The following SLC37A2 variants were observed in gnomAD, a reference collection of about 807,000 sequenced individuals.
The protein encoded by SLC37A2 is solute carrier family 37 member 2.
In SLC37A2, 59 loss-of-function variants were observed where a neutral mutation model predicts 70.7. That is an observed-to-expected ratio of 0.83 (90% CI 0.68 to 1.04). The LOEUF is 1.04. Ranked by LOEUF, SLC37A2 falls within the 50% of genes least tolerant of loss-of-function variation. SLC37A2 has a pLI of 0.00. For synonymous variants in SLC37A2, 257 were observed against 262.1 expected, an observed-to-expected ratio of 0.98 and a Z score of 0.19; for missense variants, 580 against 658.1, an observed-to-expected ratio of 0.88 and a Z score of 1.30.
chr11:125,085,221 G>A (rs571638435), intron 14 of SLC37A2, 82 bp downstream of exon 14: 2 of 1,426,990 alleles, frequency 1.4e-6, no homozygotes, highest in African/African-American at 2.8e-5. Context: ...ATTTCTCCCT[G>A]TCTCCCATCC....
chr11:125,082,321 C>T lies in SLC37A2; in HGVS notation c.963C>T (p.Tyr321=), dbSNP rs1251376965. ...SYTFLYWLPL[Y]IANVAHFSAK... is the part of the protein sequence containing the mutation. ...CCTTCCTCTACTGGCTGCCCCTCTA[C>T]ATCGCCAATGTGGGTAAGTCCAAGA... Residue 321 remains tyrosine, a synonymous_variant, in exon 10 of 18, where the codon TAC becomes TAT. Coordinates refer to ENST00000403796, the MANE Select transcript of SLC37A2 (RefSeq NM_001145290.2). 1.7e-5 allele frequency: 27 copies of T among 1,613,890 alleles called. No homozygotes were observed. Among genetic ancestry groups the T allele is most frequent in the Admixed American group, 3.3e-5 (2 of 60,014 alleles).
intron 1 of SLC37A2, among the ~76,000 whole-genome samples, chr11:125,075,523 T>G (rs1949074894): frequency 1.3e-5 from 2 of 152,098 alleles, no homozygotes; most frequent in African/African-American, 4.8e-5. Flanking sequence ...CTGTTGCACC[T>G]TCATGCTGGA....
chr11:125,067,763 C>G (rs1033028807), intron 1 of SLC37A2, among the ~76,000 whole-genome samples: 5 of 151,930 alleles, frequency 3.3e-5, no homozygotes, highest in Non-Finnish European at 7.3e-5. Context: ...CAAGACAAAT[C>G]AAATTTCCTT....
At chr11:125,079,307 C>T (rs1949123236) in intron 5 of SLC37A2, 60 bp downstream of exon 5, 2 of 1,606,248 alleles carry the variant, frequency 1.2e-6, no homozygotes, top group Admixed American at 3.3e-5. Context: ...ACCTGGGAGA[C>T]CGCAGCTCAC....
intron 1 of SLC37A2, among the ~76,000 whole-genome samples, chr11:125,071,548 G>A (rs898549916): frequency 1.3e-5 from 2 of 152,200 alleles, no homozygotes; most frequent in African/African-American, 4.8e-5. Context: ...CTTCTCAAAT[G>A]TCCTGAGTTC....
chr11:125,079,313 C>G lies in SLC37A2; in HGVS notation c.450+66C>G, dbSNP rs373233474. 9.4e-6 allele frequency: 15 copies of G among 1,601,964 alleles called. No homozygotes were observed. The East Asian group carries it at 1.1e-4, about 12-fold the overall frequency. The stretch of plus-strand genomic sequence containing the variant: ...TCGGGAAGGACCTGGGAGACCGCAG[C>G]TCACAGCGGGTGGGAGCCTGTGTTC... On this transcript the variant is annotated intron_variant, in intron 5 of 17. Coordinates refer to ENST00000403796, the MANE Select transcript of SLC37A2 (RefSeq NM_001145290.2).
At chr11:125,086,420 T>G (rs74932866) in intron 17 of SLC37A2, 10,988 of 675,798 alleles carry the variant, frequency 0.016, 136 homozygotes, top group Middle Eastern at 0.056. Context: ...TTGGGAAGTG[T>G]TTTCCAAGGG....
chr11:125,085,553 C>T, intron 15 of SLC37A2, 24 bp from the exon 16 acceptor site: 1 of 1,613,638 alleles, frequency 6.2e-7, no homozygotes, highest in Non-Finnish European at 8.5e-7. Flanking sequence ...AGGACCCCTG[C>T]TCACGAGGCT....
intron 1 of SLC37A2, among the ~76,000 whole-genome samples, chr11:125,069,395 C>T (rs370633191): frequency 2.0e-5 from 3 of 152,230 alleles, no homozygotes; most frequent in East Asian, 1.9e-4. Context: ...GGACAAATTA[C>T]TTAACATCTC....
intron 4 of SLC37A2, 124 bp downstream of exon 4, chr11:125,077,652 C>G: frequency 1.4e-6 from 1 of 699,104 alleles, no homozygotes; most frequent in Admixed American, 2.8e-5. Context: ...CCACCCACAG[C>G]CATCCTCCTT....
Position 125,088,236 on chromosome 11 carries a change from C to G in SLC37A2, c.*102C>G. On this transcript the variant is annotated 3_prime_UTR_variant, in exon 18 of 18. Transcript: ENST00000403796. Reference sequence around the variant, plus strand: ...CTTCCACAAGCAGGGAAGGCAAACCCTCTTTATTGAACATTAGCCAGCCCA... The same window carrying G: ...CTTCCACAAGCAGGGAAGGCAAACCGTCTTTATTGAACATTAGCCAGCCCA... 7.3e-7 allele frequency: 1 copy of G among 1,374,732 alleles called. No individual in the cohort carries two copies. The allele number at this position is 1,374,732 out of a possible 1,614,324, so 85.2% of individuals were successfully genotyped here.
rs200941589 is a variant in SLC37A2 at position 125,081,940 on chromosome 11, G to C, written c.885+34G>C. 4 of 1,565,576 alleles carry C rather than the reference G, an allele frequency of 2.6e-6. No individual in the cohort carries two copies. The Admixed American group carries it at 7.8e-5, about 31-fold the overall frequency. On this transcript the variant is annotated intron_variant, in intron 9 of 17. Transcript: ENST00000403796. ...TTTGTGGAATGGAGGAAAGAGAGGG[G>C]CTTTCCAGATTTTTTCTGTTGGTGA...
Position 125,079,208 on chromosome 11 carries a change from C to A in SLC37A2, c.411C>A (p.Phe137Leu), listed in dbSNP as rs140315281. ...LFTSLFGLGYFWNIHELWYFV... is the reference protein window; with the variant it reads ...LFTSLFGLGYLWNIHELWYFV... ...CCTCGCTCTTTGGCCTGGGATATTT[C>A]TGGAACATCCACGAGCTCTGGTACT... Residue 137 changes from phenylalanine to leucine, a missense_variant, in exon 5 of 18, where the codon TTC becomes TTA. By Grantham distance (22) the Phe-to-Leu change is conservative (BLOSUM62 0). Transcript: ENST00000403796. 40 of 1,614,096 alleles carry A rather than the reference C, an allele frequency of 2.5e-5. No homozygotes were observed. Among genetic ancestry groups the A allele is most frequent in the Non-Finnish European group, 3.2e-5 (38 of 1,180,030 alleles).
chr11:125,078,731 C>T (rs1949115652), intron 4 of SLC37A2, among the ~76,000 whole-genome samples: 1 of 151,956 alleles, frequency 6.6e-6, no homozygotes, highest in African/African-American at 2.4e-5. Context: ...TAAAGATGTC[C>T]AGGAGGCACC....
chr11:125,084,354 T>C (rs1052418290), intron 12 of SLC37A2, 35 bp downstream of exon 12: 14 of 1,606,488 alleles, frequency 8.7e-6, no homozygotes, highest in Non-Finnish European at 1.1e-5. Context: ...TGCGAATGCA[T>C]GTGAGCAGGA....
rs1049487586 is a variant in SLC37A2 at position 125,088,177 on chromosome 11, C to T, written c.*43C>T. On this transcript the variant is annotated 3_prime_UTR_variant, in exon 18 of 18. Coordinates refer to ENST00000403796, the MANE Select transcript of SLC37A2 (RefSeq NM_001145290.2). ...CAGCATGGAGGGTCCCAGTTGGGTCCCCAACGTGCTCCCCATGGGCAAGAC... is the reference window on the plus strand; with the variant it reads ...CAGCATGGAGGGTCCCAGTTGGGTCTCCAACGTGCTCCCCATGGGCAAGAC... 1.3e-6 allele frequency: 2 copies of T among 1,549,556 alleles called. No individual in the cohort carries two copies. The highest frequency in any genetic ancestry group is 1.7e-6 in the Non-Finnish European group (2 of 1,145,286).
Position 125,063,357 on chromosome 11 carries a change from G to A in SLC37A2, c.-11G>A, listed in dbSNP as rs200478457. 6.2e-6 allele frequency: 10 copies of A among 1,610,288 alleles called. No homozygotes were observed. The highest frequency in any genetic ancestry group is 8.5e-6 in the Non-Finnish European group (10 of 1,178,412). ...CTCCGTCGACTCAGCCTTAGGTACC[G>A]GTCAGGCAAAATGCGGTCCTCCCTG... On this transcript the variant is annotated 5_prime_UTR_variant, in exon 1 of 18. Coordinates refer to ENST00000403796, the MANE Select transcript of SLC37A2 (RefSeq NM_001145290.2). This position sits in a 1 kb window ranked among gnomAD's most constrained non-coding sequence, Gnocchi z 5.4.
intron 4 of SLC37A2, among the ~76,000 whole-genome samples, chr11:125,078,542 G>A (rs11823324): frequency 4.9e-4 from 75 of 152,270 alleles, no homozygotes; most frequent in African/African-American, 1.7e-3. Context: ...AATGTGAGGG[G>A]TGGGGAGGAA....
At chr11:125,071,112 A>G (rs1291326517) in intron 1 of SLC37A2, among the ~76,000 whole-genome samples, 1 of 152,124 alleles carries the variant, frequency 6.6e-6, no homozygotes, top group Non-Finnish European at 1.5e-5. Context: ...CTGAGTCACT[A>G]ACAGACACTA....
Sources: allele counts gnomAD v4.1 joint callset (sites outside exome capture counted in the v4.1 genomes callset), GRCh38; gene constraint gnomAD v4.1.1; non-coding constraint Gnocchi (gnomAD v3.1); transcripts MANE v1.5; gene names NCBI Gene and HGNC (gene_info 2026-07-23, HGNC 2026-07-21).